The following C11orf97 variants were observed in gnomAD, a reference collection of about 807,000 sequenced individuals.
The protein encoded by C11orf97 is chromosome 11 open reading frame 97.
In C11orf97, 15 loss-of-function variants were observed where a neutral mutation model predicts 16.2. The observed-to-expected ratio is 0.93, with a 90% CI of 0.62 to 1.43. C11orf97 has a LOEUF of 1.43. Ranked by LOEUF, C11orf97 falls within the 40% of genes most tolerant of loss-of-function variation. The pLI, the probability that C11orf97 is intolerant of heterozygous loss-of-function variation, is 0.00. For synonymous variants in C11orf97, 61 were observed against 65.7 expected, an observed-to-expected ratio of 0.93 and a Z score of 0.34; for missense variants, 171 against 161.2, an observed-to-expected ratio of 1.06 and a Z score of -0.33.
intron 1 of C11orf97, 25 bp from the exon 2 acceptor site, chr11:94,517,558 A>G: frequency 7.2e-7 from 1 of 1,387,634 alleles, no homozygotes; most frequent in Non-Finnish European, 9.7e-7. Context: ...ATACTAAGTA[A>G]TTGATTTTGT....
At chr11:94,531,827 A>T in intron 3 of C11orf97, 69 bp from the exon 4 acceptor site, 1 of 1,232,576 alleles carries the variant, frequency 8.1e-7, no homozygotes, top group South Asian at 1.7e-5. Context: ...TTAGATTAAA[A>T]TGGGTGAGAT....
At chr11:94,527,100 A>T (rs1242380507) in intron 2 of C11orf97, among the ~76,000 whole-genome samples, 1 of 152,236 alleles carries the variant, frequency 6.6e-6, no homozygotes, top group Non-Finnish European at 1.5e-5. Context: ...GAGGAAATTA[A>T]GACATAGTGG....
At chr11:94,527,998 A>G in intron 2 of C11orf97, 86 bp from the exon 3 acceptor site, 1 of 1,314,922 alleles carries the variant, frequency 7.6e-7, no homozygotes, top group Non-Finnish European at 1.0e-6. Flanking sequence ...ATAAATAAAA[A>G]AATCACCAAT....
chr11:94,530,288 AC>A (rs1947728612), intron 3 of C11orf97, among the ~76,000 whole-genome samples: 1 of 152,208 alleles, frequency 6.6e-6, no homozygotes, highest in South Asian at 2.1e-4. Flanking sequence ...ACAATATGTA[AC>A]TGTTATTGAC....
chr11:94,528,414 T>A (rs1453076928), intron 3 of C11orf97, among the ~76,000 whole-genome samples: 1 of 152,250 alleles, frequency 6.6e-6, no homozygotes, highest in Non-Finnish European at 1.5e-5. Flanking sequence ...TTTACCCCCA[T>A]GGATACAACA....
chr11:94,523,477 C>T (rs1227501553), intron 2 of C11orf97, among the ~76,000 whole-genome samples: 3 of 152,162 alleles, frequency 2.0e-5, no homozygotes, highest in Non-Finnish European at 4.4e-5. Context: ...TACTGCAATA[C>T]TGGGCTATTT....
chr11:94,519,442 TCTATA>T (rs61528058), intron 2 of C11orf97, among the ~76,000 whole-genome samples: 87,282 of 151,782 alleles, frequency 0.58, 25,367 homozygotes, highest in African/African-American at 0.62. Context: ...TTTTTCTAAG[TCTATA>T]CTGTTATATT....
At chr11:94,517,864 A>T (rs1349836744) in intron 2 of C11orf97, among the ~76,000 whole-genome samples, 177 bp downstream of exon 2, 3 of 151,608 alleles carry the variant, frequency 2.0e-5, no homozygotes, top group African/African-American at 7.3e-5. Flanking sequence ...TAGAAAAAAA[A>T]ATGGGCTGGG....
chr11:94,529,248 A>G lies in C11orf97; in HGVS notation c.376+1039A>G, dbSNP rs17842203. Among the ~76,000 whole-genome samples, 795 of 152,266 alleles carry G rather than the reference A, an allele frequency of 5.2e-3. 9 individuals are homozygous for G. Among genetic ancestry groups the G allele is most frequent in the African/African-American group, 0.018 (739 of 41,544 alleles). Reference sequence around the variant, plus strand: ...TCTATTGGACCTGAAGTGAGATGAGAGTTCAATAAAAGTGTCACATAGGAG... The same window carrying G: ...TCTATTGGACCTGAAGTGAGATGAGGGTTCAATAAAAGTGTCACATAGGAG... On this transcript the variant is annotated intron_variant, in intron 3 of 3. Transcript: ENST00000542198.
At position 94,512,499 on chromosome 11, in the gene C11orf97, T is replaced by G. The variant is rs1478247057; in HGVS notation, c.-30T>G. On this transcript the variant is annotated 5_prime_UTR_variant, in exon 1 of 4. Transcript: ENST00000542198. ...TGCGACTGAGCTGAGAAGGAAACCG[T>G]GCCCAGGGCTCTCGGAAGACCGCTG... 1.6e-6 allele frequency: 2 copies of G among 1,272,584 alleles called. No homozygotes were observed. Among genetic ancestry groups the G allele is most frequent in the African/African-American group, 3.1e-5 (2 of 64,856 alleles). 78.8% of individuals were successfully genotyped at this position (1,272,584 alleles called of 1,614,324 possible).
intron 3 of C11orf97, 26 bp from the exon 4 acceptor site, chr11:94,531,870 T>A (rs1947741914): frequency 7.1e-7 from 1 of 1,414,156 alleles, no homozygotes; most frequent in Admixed American, 3.0e-5. Flanking sequence ...AAACACTTAT[T>A]TTTTCACTTT....
intron 1 of C11orf97, among the ~76,000 whole-genome samples, chr11:94,514,152 C>T (rs1014935107): frequency 5.3e-5 from 8 of 152,172 alleles, no homozygotes; most frequent in African/African-American, 1.9e-4. Context: ...ATTAAAGATG[C>T]TAGTTTCTAA....
At chr11:94,521,413 C>T (rs779456390) in intron 2 of C11orf97, among the ~76,000 whole-genome samples, 17 of 152,204 alleles carry the variant, frequency 1.1e-4, no homozygotes, top group Admixed American at 9.8e-4. Flanking sequence ...GGCCATGAGC[C>T]GCAGCTTCTA....
At chr11:94,526,506 A>G (rs1350078992) in intron 2 of C11orf97, among the ~76,000 whole-genome samples, 2 of 152,158 alleles carry the variant, frequency 1.3e-5, no homozygotes, top group Non-Finnish European at 2.9e-5. Flanking sequence ...ATTTGTCTGC[A>G]CGGTTCTGCT....
At chr11:94,513,815 A>G (rs1947587153) in intron 1 of C11orf97, among the ~76,000 whole-genome samples, 1 of 152,148 alleles carries the variant, frequency 6.6e-6, no homozygotes. Flanking sequence ...ACTTAAAATT[A>G]TTATGATTAT....
chr11:94,515,725 C>T (rs1947606779), intron 1 of C11orf97, among the ~76,000 whole-genome samples: 1 of 151,128 alleles, frequency 6.6e-6, no homozygotes, highest in Non-Finnish European at 1.5e-5. Context: ...CTTTTTCTGC[C>T]TGAAAGTTCT....
At chr11:94,517,857 A>AT (rs35018344) in intron 2 of C11orf97, among the ~76,000 whole-genome samples, 170 bp downstream of exon 2, 1 of 27,432 alleles carries the variant, frequency 3.6e-5, no homozygotes, top group East Asian at 9.5e-4. Flanking sequence ...TCATGTCTAG[A>AT]AAAAAAAATG....
intron 2 of C11orf97, among the ~76,000 whole-genome samples, chr11:94,523,292 G>A (rs535114525): frequency 2.2e-4 from 34 of 152,234 alleles, no homozygotes; most frequent in Admixed American, 8.5e-4. Flanking sequence ...TAAATTCTAG[G>A]GACCCCAACA....
At chr11:94,516,727 A>T (rs1450430556) in intron 1 of C11orf97, among the ~76,000 whole-genome samples, 1 of 152,228 alleles carries the variant, frequency 6.6e-6, no homozygotes, top group Non-Finnish European at 1.5e-5. Context: ...AGTAAGGGAA[A>T]GTTTTCCTAA....
Sources: gnomAD v4.1 joint callset for allele counts (sites outside exome capture counted in the v4.1 genomes callset) on GRCh38, gnomAD v4.1.1 for gene constraint, MANE v1.5 for transcripts, NCBI Gene and HGNC (gene_info 2026-07-23, HGNC 2026-07-21) for gene names.